The following ERO1B variants were observed in gnomAD, a reference collection of about 807,000 sequenced individuals.
The protein encoded by ERO1B is ERO1-like protein beta.
ERO1B carries 49 observed loss-of-function variants against 75.3 expected under a neutral mutation model. The observed-to-expected ratio is 0.65, with a 90% CI of 0.52 to 0.83. The LOEUF (loss-of-function observed/expected upper bound fraction) is 0.83. Ranked by LOEUF, ERO1B falls within the 40% of genes least tolerant of loss-of-function variation. ERO1B has a pLI of 0.00. For synonymous variants in ERO1B, 191 were observed against 192.9 expected (o/e 0.99, Z 0.08); for missense variants, 512 against 560.1 (o/e 0.91, Z 0.87).
intron 6 of ERO1B, among the ~76,000 whole-genome samples, chr1:236,240,724 T>C (rs1025575430): frequency 2.0e-5 from 3 of 152,246 alleles, no homozygotes; most frequent in East Asian, 1.9e-4. Flanking sequence ...AGGGATACAT[T>C]AGTGAACCAA....
intron 5 of ERO1B, among the ~76,000 whole-genome samples, chr1:236,248,067 TC>T (rs1664928343): frequency 6.6e-6 from 1 of 152,322 alleles, no homozygotes; most frequent in African/African-American, 2.4e-5. Context: ...TTGTGTTATT[TC>T]CTCTGACAAG....
chr1:236,232,231 T>C (rs1264265239), intron 9 of ERO1B, among the ~76,000 whole-genome samples: 1 of 152,180 alleles, frequency 6.6e-6, no homozygotes, highest in Non-Finnish European at 1.5e-5. Flanking sequence ...TGCTTATCTT[T>C]CCTACTATCC....
chr1:236,273,817 A>C (rs1214499671), intron 1 of ERO1B, among the ~76,000 whole-genome samples: 1 of 139,176 alleles, frequency 7.2e-6, no homozygotes, highest in East Asian at 2.0e-4. Context: ...AAAGAAAAAA[A>C]AAAAAAAAAA....
At chr1:236,270,730 T>C (rs1003525854) in intron 1 of ERO1B, among the ~76,000 whole-genome samples, 25 of 152,190 alleles carry the variant, frequency 1.6e-4, no homozygotes, top group Non-Finnish European at 2.8e-4. Context: ...CCAGGAATTA[T>C]CCTGAATGAA....
intron 1 of ERO1B, among the ~76,000 whole-genome samples, chr1:236,273,154 G>A (rs931017162): frequency 6.6e-6 from 1 of 152,140 alleles, no homozygotes; most frequent in East Asian, 1.9e-4. Flanking sequence ...TATGAGAGAG[G>A]AAGGCGGGAG....
intron 4 of ERO1B, among the ~76,000 whole-genome samples, chr1:236,250,350 ATCCC>A (rs749789375): frequency 1.1e-4 from 17 of 151,790 alleles, no homozygotes; most frequent in Non-Finnish European, 2.1e-4. Context: ...CACGCCTGTA[ATCCC>A]AGCTACTCGG....
At chr1:236,228,701 C>G (rs1255442719) in intron 10 of ERO1B, among the ~76,000 whole-genome samples, 4 of 152,004 alleles carry the variant, frequency 2.6e-5, no homozygotes, top group African/African-American at 9.7e-5. Flanking sequence ...TTGTGGTTTC[C>G]AAAGGAACCT....
chr1:236,250,528 T>G (rs1039136519), intron 4 of ERO1B, among the ~76,000 whole-genome samples: 11 of 119,058 alleles, frequency 9.2e-5, no homozygotes, highest in African/African-American at 3.0e-4. Context: ...GATGTGTTGG[T>G]GATATCAACT....
chr1:236,263,570 G>T (rs1025172258), intron 2 of ERO1B, among the ~76,000 whole-genome samples: 1 of 151,932 alleles, frequency 6.6e-6, no homozygotes, highest in South Asian at 2.1e-4. Flanking sequence ...TTTTTATTAG[G>T]ATCACATTAA....
intron 2 of ERO1B, among the ~76,000 whole-genome samples, chr1:236,259,637 TAAAG>T (rs1445817355): frequency 6.6e-6 from 1 of 151,978 alleles, no homozygotes; most frequent in Non-Finnish European, 1.5e-5. Flanking sequence ...TAAAAAGAGA[TAAAG>T]AAGGTCATTT....
chr1:236,250,603 A>ATATAT (rs1664999045), intron 4 of ERO1B, among the ~76,000 whole-genome samples: 4 of 66,470 alleles, frequency 6.0e-5, no homozygotes, highest in African/African-American at 2.0e-4. Flanking sequence ...ATATATATAT[A>ATATAT]TATATATATA....
At chr1:236,261,423 CTAG>C (rs1665291925) in intron 2 of ERO1B, among the ~76,000 whole-genome samples, 2 of 152,240 alleles carry the variant, frequency 1.3e-5, no homozygotes, top group East Asian at 3.9e-4. Context: ...ACCAAAAAAT[CTAG>C]TAATAAACTG....
chr1:236,227,597 TC>T (rs879710881), intron 10 of ERO1B, among the ~76,000 whole-genome samples: 7 of 152,240 alleles, frequency 4.6e-5, no homozygotes, highest in African/African-American at 1.7e-4. Flanking sequence ...TTTCCCTCCT[TC>T]ATCCAACAGG....
At chr1:236,236,538 G>T (rs1664552201) in intron 6 of ERO1B, 140 bp from the exon 7 acceptor site, 27 of 762,582 alleles carry the variant, frequency 3.5e-5, no homozygotes, top group Non-Finnish European at 4.7e-5. Context: ...TGGTATAGTG[G>T]TTAGTATACT....
At chr1:236,251,472 C>T (rs1665027480) in intron 4 of ERO1B, 38 of 978,522 alleles carry the variant, frequency 3.9e-5, no homozygotes, top group South Asian at 1.4e-4. Context: ...AAAGATTACA[C>T]GGGAGAGAGA....
chr1:236,220,930 GAAT>G lies in ERO1B; in HGVS notation c.1242_1244del (p.Leu414del). 1.9e-6 allele frequency: 3 copies of G among 1,601,486 alleles called. No individual in the cohort carries two copies. The highest frequency in any genetic ancestry group is 1.3e-5 in the African/African-American group (1 of 74,484). ...GAAGCTTTTGGATTTCTTTTTCAGA[GAAT>G]AATATCTTCAGGGCAGTTCCTAAAC... On this transcript the variant is annotated inframe_deletion, in exon 15 of 16. Transcript: ENST00000354619.
chr1:236,276,850 C>G (rs768473238), intron 1 of ERO1B, among the ~76,000 whole-genome samples: 5 of 152,126 alleles, frequency 3.3e-5, no homozygotes, highest in African/African-American at 4.8e-5. Context: ...TCTCTTCACT[C>G]AAATCTCATG....
chr1:236,269,753 T>A (rs544882704), intron 2 of ERO1B, 122 bp downstream of exon 2: 25 of 728,102 alleles, frequency 3.4e-5, no homozygotes, highest in Non-Finnish European at 4.9e-5. Context: ...CAATACATAA[T>A]AAATTCAGTG....
At chr1:236,281,523 G>C (rs1293545478) in intron 1 of ERO1B, 159 bp downstream of exon 1, 1 of 452,694 alleles carries the variant, frequency 2.2e-6, no homozygotes, top group Non-Finnish European at 3.7e-6. Flanking sequence ...TCCCGCACTG[G>C]ACGGTCAGGT....
Sources: gnomAD v4.1 joint callset for allele counts (sites outside exome capture counted in the v4.1 genomes callset) on GRCh38, gnomAD v4.1.1 for gene constraint, MANE v1.5 for transcripts, NCBI Gene and HGNC (gene_info 2026-07-23, HGNC 2026-07-21) for gene names.